The following UPF2 variants were observed in gnomAD, a reference collection of about 807,000 sequenced individuals.
UPF2 encodes regulator of nonsense transcripts 2.
Under a neutral mutation model 141.4 loss-of-function variants are expected in UPF2, and 17 were observed. The ratio of observed to expected loss-of-function variants is 0.12; its 90% CI spans 0.08 to 0.18. The LOEUF (loss-of-function observed/expected upper bound fraction) is 0.18, where lower values mean the gene tolerates loss of function less well. Ranked by LOEUF, UPF2 falls within the 10% of genes least tolerant of loss-of-function variation. The pLI is 1.00. For missense variants in UPF2, 1,152 were observed against 1,515.9 expected (o/e 0.76, Z 3.99); for synonymous variants, 540 against 498.0 (o/e 1.08, Z -1.12).
chr10:11,925,657 C>T (rs1832703269), intron 21 of UPF2, among the ~76,000 whole-genome samples: 1 of 152,210 alleles, frequency 6.6e-6, no homozygotes, highest in Non-Finnish European at 1.5e-5. Flanking sequence ...GTCATGGCAG[C>T]AGATCCGCAC....
chr10:12,004,474 A>G (rs1015439528), intron 5 of UPF2, 56 bp downstream of exon 5: 5 of 1,382,222 alleles, frequency 3.6e-6, no homozygotes, highest in Non-Finnish European at 2.9e-6. Context: ...TACAAATACT[A>G]TTTTGAAGCT....
At chr10:12,023,510 T>TAAAAA (rs762703531) in intron 3 of UPF2, among the ~76,000 whole-genome samples, 8 of 117,260 alleles carry the variant, frequency 6.8e-5, no homozygotes, top group East Asian at 2.6e-4. Flanking sequence ...CTGTCTCTAC[T>TAAAAA]AAAAAAAAAA....
intron 7 of UPF2, 100 bp downstream of exon 7, chr10:11,999,806 A>T: frequency 1.1e-6 from 1 of 949,334 alleles, no homozygotes. Context: ...GAAATGGTGG[A>T]CTTTGTAGCT....
chr10:11,997,560 C>A, intron 8 of UPF2, 112 bp downstream of exon 8: 2 of 933,004 alleles, frequency 2.1e-6, no homozygotes, highest in Non-Finnish European at 3.3e-6. Flanking sequence ...TGCTAATGAC[C>A]TACAGAGTGA....
chr10:11,954,946 G>A (rs866491111), intron 14 of UPF2, among the ~76,000 whole-genome samples: 11 of 151,202 alleles, frequency 7.3e-5, no homozygotes, highest in African/African-American at 1.5e-4. Flanking sequence ...TAAATATCAC[G>A]GTCCATAAAT....
At chr10:12,008,939 T>C (rs1834083576) in intron 4 of UPF2, among the ~76,000 whole-genome samples, 1 of 152,068 alleles carries the variant, frequency 6.6e-6, no homozygotes, top group Admixed American at 6.5e-5. Flanking sequence ...TGAGAACATG[T>C]GGTATTTGGT....
At chr10:11,999,544 A>G (rs1298535111) in intron 7 of UPF2, among the ~76,000 whole-genome samples, 1 of 150,924 alleles carries the variant, frequency 6.6e-6, no homozygotes, top group Non-Finnish European at 1.5e-5. Context: ...CACACACAAG[A>G]AAAAAAAACT....
chr10:11,922,221 G>T (rs1223112593), intron 21 of UPF2, among the ~76,000 whole-genome samples: 2 of 152,168 alleles, frequency 1.3e-5, no homozygotes, highest in African/African-American at 4.8e-5. Context: ...TCCTGCCGGC[G>T]GCCTCCAGTG....
At chr10:11,952,390 G>T in intron 14 of UPF2, 141 bp from the exon 15 acceptor site, 1 of 684,638 alleles carries the variant, frequency 1.5e-6, no homozygotes, top group Non-Finnish European at 2.3e-6. Flanking sequence ...TCTATTAATG[G>T]TCAACAGCAA....
intron 14 of UPF2, among the ~76,000 whole-genome samples, chr10:11,952,618 G>T (rs1029075931): frequency 6.6e-6 from 1 of 151,936 alleles, no homozygotes; most frequent in East Asian, 1.9e-4. Flanking sequence ...GGGACTACAG[G>T]TGCATGCCAC....
At chr10:11,957,948 CATGTGTA>C (rs1305389597) in intron 12 of UPF2, among the ~76,000 whole-genome samples, 2 of 152,222 alleles carry the variant, frequency 1.3e-5, no homozygotes, top group Non-Finnish European at 2.9e-5. Context: ...TCAATTTCCT[CATGTGTA>C]AAACGGGGGA....
chr10:11,929,589 T>TG, intron 21 of UPF2, among the ~76,000 whole-genome samples: 1 of 151,680 alleles, frequency 6.6e-6, no homozygotes, highest in Non-Finnish European at 1.5e-5. Flanking sequence ...GTGAGTGAGT[T>TG]GCGATTGTGC....
chr10:12,030,816 G>A (rs1834506802), intron 2 of UPF2, among the ~76,000 whole-genome samples: 3 of 151,024 alleles, frequency 2.0e-5, no homozygotes, highest in South Asian at 2.1e-4. Flanking sequence ...CCCGGGAGGC[G>A]CAGGTTGCCG....
intron 3 of UPF2, among the ~76,000 whole-genome samples, chr10:12,017,455 C>T (rs571592557): frequency 6.6e-6 from 1 of 152,268 alleles, no homozygotes; most frequent in African/African-American, 2.4e-5. Flanking sequence ...TGTGGATTTG[C>T]CTGTGACTTT....
rs77916698 is a variant in UPF2, at chr10:12,035,724, C to T, written c.-18-283G>A. On this transcript the variant is annotated intron_variant, in intron 1 of 21. Coordinates refer to ENST00000357604, the MANE Select transcript of UPF2 (RefSeq NM_015542.4). ...GAGAGCATAATATAAGGAACCTCCACGTACCCATCACTCAGATTCAGCCAC... is the reference window on the plus strand; with the variant it reads ...GAGAGCATAATATAAGGAACCTCCATGTACCCATCACTCAGATTCAGCCAC... 3.2e-3 allele frequency: 751 copies of T among 234,024 alleles called. 13 individuals are homozygous for T. The highest frequency in any genetic ancestry group is 0.031 in the Admixed American group (592 of 18,894). 14.5% of individuals were successfully genotyped at this position (234,024 alleles called of 1,614,324 possible). A position where few individuals can be genotyped will look rare whatever the true frequency, so the allele number is the denominator to read the frequency against.
intron 4 of UPF2, among the ~76,000 whole-genome samples, chr10:12,008,229 C>T (rs1834067874): frequency 6.6e-6 from 1 of 151,956 alleles, no homozygotes; most frequent in Non-Finnish European, 1.5e-5. Context: ...ATAGGAATTT[C>T]ACAGGGAAAA....
chr10:11,955,634 C>G, intron 13 of UPF2, 127 bp from the exon 14 acceptor site: 3 of 959,788 alleles, frequency 3.1e-6, no homozygotes, highest in African/African-American at 1.7e-5. Flanking sequence ...AATGACAGAT[C>G]TTTTCTAATA....
At chr10:11,930,612 AC>A (rs1437395357) in intron 20 of UPF2, among the ~76,000 whole-genome samples, 3 of 152,104 alleles carry the variant, frequency 2.0e-5, no homozygotes, top group Non-Finnish European at 4.4e-5. Flanking sequence ...TCCCCTCTCT[AC>A]AAAAAATTAA....
At chr10:11,925,597 G>A (rs1832702238) in intron 21 of UPF2, among the ~76,000 whole-genome samples, 1 of 152,266 alleles carries the variant, frequency 6.6e-6, no homozygotes, top group Non-Finnish European at 1.5e-5. Flanking sequence ...GGGGAATAGA[G>A]ACAAGCTAAG....
Sources: allele counts gnomAD v4.1 joint callset (sites outside exome capture counted in the v4.1 genomes callset), GRCh38; gene constraint gnomAD v4.1.1; transcripts MANE v1.5; gene names NCBI Gene and HGNC (gene_info 2026-07-23, HGNC 2026-07-21).